CROT: variants seen among roughly 807,000 people sequenced by gnomAD.
The protein encoded by CROT is carnitine O-octanoyltransferase.
In CROT, 84 loss-of-function variants were observed where a neutral mutation model predicts 89.2. The observed-to-expected ratio is 0.94, with a 90% CI of 0.79 to 1.13. The LOEUF is 1.13. CROT is among the 50% of genes most tolerant of loss of function. CROT has a pLI of 0.00. For synonymous variants in CROT, 212 were observed against 239.5 expected, an observed-to-expected ratio of 0.89 and a Z score of 1.06; for missense variants, 711 against 727.8, an observed-to-expected ratio of 0.98 and a Z score of 0.27.
chr7:87,364,526 C>T (rs62486522), intron 6 of CROT, among the ~76,000 whole-genome samples: 6 of 152,164 alleles, frequency 3.9e-5, no homozygotes, highest in Non-Finnish European at 7.4e-5. Flanking sequence ...GGAACCCCAG[C>T]TGGAAGAGAT....
chr7:87,349,697 T>G lies in CROT; in HGVS notation c.115+514T>G, dbSNP rs1459727242. Among the ~76,000 whole-genome samples, 5 of 152,182 alleles carry G rather than the reference T, an allele frequency of 3.3e-5. No individual in the cohort carries two copies. In the East Asian group the frequency reaches 9.6e-4, roughly 29 times the overall value. On this transcript the variant is annotated intron_variant, in intron 3 of 17. Transcript: ENST00000331536. ...AAATATCTTATGACTGGGTCATGAC[T>G]GGCAAGGAACGTGCCTTGCTAGTCT...
intron 3 of CROT, among the ~76,000 whole-genome samples, chr7:87,356,395 G>A (rs577607792): frequency 6.6e-6 from 1 of 152,104 alleles, no homozygotes; most frequent in Admixed American, 6.5e-5. Flanking sequence ...TTTCAAATGA[G>A]TTTCTAACAT....
intron 2 of CROT, among the ~76,000 whole-genome samples, chr7:87,347,943 TAAA>T (rs1805743562): frequency 6.6e-6 from 1 of 152,164 alleles, no homozygotes; most frequent in African/African-American, 2.4e-5. Context: ...GTAGGAAAGA[TAAA>T]ACTGGGGGCT....
chr7:87,398,795 C>A lies in CROT; in HGVS notation c.*151C>A. 1.4e-6 allele frequency: 1 copy of A among 714,260 alleles called. No individual in the cohort carries two copies. The highest frequency in any genetic ancestry group is 2.3e-6 in the Non-Finnish European group (1 of 444,124). The allele number at this position is 714,260 out of a possible 1,614,324, so 44.2% of individuals were successfully genotyped here. A position where few individuals can be genotyped will look rare whatever the true frequency, so the allele number is the denominator to read the frequency against. ...TGTTAAATGTAGAAATTAGTAGAAT[C>A]ATGCTCTCTAAATTTATTCTGCCAT... On this transcript the variant is annotated 3_prime_UTR_variant, in exon 18 of 18. Coordinates refer to ENST00000331536, the MANE Select transcript of CROT (RefSeq NM_021151.4).
At chr7:87,376,503 T>A (rs1353537317) in intron 9 of CROT, among the ~76,000 whole-genome samples, 1 of 152,072 alleles carries the variant, frequency 6.6e-6, no homozygotes, top group Non-Finnish European at 1.5e-5. Context: ...CAGGAAATAA[T>A]AAAAGATAGT....
At chr7:87,395,690 C>T (rs1274339960) in intron 17 of CROT, among the ~76,000 whole-genome samples, 1 of 152,142 alleles carries the variant, frequency 6.6e-6, no homozygotes, top group Non-Finnish European at 1.5e-5. Flanking sequence ...TCACTGAAGT[C>T]AGGAAGTACC....
At chr7:87,347,433 A>C (rs1805719420) in intron 2 of CROT, among the ~76,000 whole-genome samples, 1 of 152,228 alleles carries the variant, frequency 6.6e-6, no homozygotes, top group Admixed American at 6.5e-5. Context: ...AATTCACTTA[A>C]AGTTGGTTGC....
At chr7:87,393,881 A>C (rs569191600) in intron 17 of CROT, among the ~76,000 whole-genome samples, 7 of 152,296 alleles carry the variant, frequency 4.6e-5, no homozygotes, top group Non-Finnish European at 7.4e-5. Context: ...TAAATGAGAA[A>C]ATTTTTTGGA....
chr7:87,352,039 A>G (rs950306184), intron 3 of CROT, among the ~76,000 whole-genome samples: 1 of 152,134 alleles, frequency 6.6e-6, no homozygotes, highest in African/African-American at 2.4e-5. Flanking sequence ...TATGATTTCT[A>G]TTTTAATGCT....
chr7:87,379,101 T>A (rs920385492), intron 10 of CROT, among the ~76,000 whole-genome samples: 28 of 152,198 alleles, frequency 1.8e-4, no homozygotes, highest in African/African-American at 6.8e-4. Flanking sequence ...TTACCATTCC[T>A]TGCAAACTAC....
At chr7:87,346,608 A>C (rs1805685991) in intron 2 of CROT, among the ~76,000 whole-genome samples, 178 bp downstream of exon 2, 1 of 152,218 alleles carries the variant, frequency 6.6e-6, no homozygotes, top group Non-Finnish European at 1.5e-5. Context: ...AAAACTCTTC[A>C]AGAAAGAATC....
chr7:87,391,779 G>T, intron 14 of CROT, 67 bp downstream of exon 14: 1 of 1,486,492 alleles, frequency 6.7e-7, no homozygotes, highest in South Asian at 1.3e-5. Flanking sequence ...CGTGGTCTTT[G>T]AGTAACTAAC....
chr7:87,358,066 C>G (rs1274096555), intron 3 of CROT, among the ~76,000 whole-genome samples: 1 of 152,152 alleles, frequency 6.6e-6, no homozygotes, highest in Non-Finnish European at 1.5e-5. Flanking sequence ...GCTCCTGCTT[C>G]CTTAACAACA....
At chr7:87,366,244 T>G (rs572401342) in intron 6 of CROT, among the ~76,000 whole-genome samples, 28 of 151,526 alleles carry the variant, frequency 1.8e-4, no homozygotes, top group Admixed American at 7.9e-4. Flanking sequence ...AAGGGGGAAT[T>G]TTTTTTTTCT....
intron 17 of CROT, 43 bp downstream of exon 17, chr7:87,393,110 A>G: frequency 6.3e-7 from 1 of 1,588,132 alleles, no homozygotes; most frequent in Non-Finnish European, 8.5e-7. Context: ...ATAGAGTAGG[A>G]AAGGTATTAC....
chr7:87,397,214 G>A (rs979815063), intron 17 of CROT, among the ~76,000 whole-genome samples: 1 of 151,998 alleles, frequency 6.6e-6, no homozygotes, highest in Non-Finnish European at 1.5e-5. Flanking sequence ...TAGCTGGTGT[G>A]GTAGCACACA....
intron 17 of CROT, among the ~76,000 whole-genome samples, chr7:87,394,015 A>G (rs922542886): frequency 1.3e-5 from 2 of 152,240 alleles, no homozygotes; most frequent in African/African-American, 4.8e-5. Flanking sequence ...ACCATAAAAT[A>G]TACACAAATC....
At position 87,357,397 on chromosome 7, in the gene CROT, T is replaced by A; in HGVS notation, c.116-1809T>A. The A allele has an allele frequency of 3.5e-6, 5 of 1,418,020 alleles. No homozygotes were observed. In the South Asian group the frequency reaches 5.0e-5, roughly 14 times the overall value. The allele number at this position is 1,418,020 out of a possible 1,614,324, so 87.8% of individuals were successfully genotyped here. A position where few individuals can be genotyped will look rare whatever the true frequency, so the allele number is the denominator to read the frequency against. ...CTCTAACCCCATTGGGCTAGAAATA[T>A]TATCCTTGATAGGATGCCAAGACAG... On this transcript the variant is annotated intron_variant, in intron 3 of 17. Coordinates refer to ENST00000331536, the MANE Select transcript of CROT (RefSeq NM_021151.4).
At chr7:87,373,224 TTTGTATATATC>T (rs1203501278) in intron 7 of CROT, among the ~76,000 whole-genome samples, 1 of 152,190 alleles carries the variant, frequency 6.6e-6, no homozygotes, top group Non-Finnish European at 1.5e-5. Flanking sequence ...ATTTTGGCCA[TTTGTATATATC>T]TTCCTTGGAG....
Sources: gnomAD v4.1 joint callset for allele counts (sites outside exome capture counted in the v4.1 genomes callset) on GRCh38, gnomAD v4.1.1 for gene constraint, MANE v1.5 for transcripts, NCBI Gene and HGNC (gene_info 2026-07-23, HGNC 2026-07-21) for gene names.